Variants in PSD3 observed in about 807,000 individuals in gnomAD.
The protein encoded by PSD3 is pleckstrin and Sec7 domain containing 3.
PSD3 carries 49 observed loss-of-function variants against 105.5 expected under a neutral mutation model. The ratio of observed to expected loss-of-function variants is 0.46; its 90% CI spans 0.37 to 0.59. The LOEUF (loss-of-function observed/expected upper bound fraction) is 0.59. PSD3 is among the 20% of genes least tolerant of loss of function. PSD3 has a pLI of 0.00. For synonymous variants in PSD3, 557 were observed against 457.8 expected, an observed-to-expected ratio of 1.22 and a Z score of -2.77; for missense variants, 1,561 against 1,263.8, an observed-to-expected ratio of 1.24 and a Z score of -3.57.
chr8:18,755,188 G>A (rs11203993), intron 9 of PSD3, among the ~76,000 whole-genome samples: 2,675 of 152,138 alleles, frequency 0.018, 135 homozygotes, highest in East Asian at 0.17. Context: ...CAGTACTTTG[G>A]GAGGCCATGG....
At chr8:18,631,639 C>T (rs953541393) in intron 11 of PSD3, among the ~76,000 whole-genome samples, 3 of 151,578 alleles carry the variant, frequency 2.0e-5, no homozygotes, top group Non-Finnish European at 4.4e-5. Context: ...AGTTCTGATA[C>T]AATGTTGTGG....
At chr8:19,047,632 G>C (rs1056403981) in intron 1 of PSD3, among the ~76,000 whole-genome samples, 1 of 152,104 alleles carries the variant, frequency 6.6e-6, no homozygotes, top group Non-Finnish European at 1.5e-5. Context: ...CAGGGTCAGG[G>C]ACCAGGTTTC....
rs907879575 is a variant in PSD3 at position 18,988,161 on chromosome 8, G to A, written c.21+25402C>T. Among the ~76,000 whole-genome samples the A allele has an allele frequency of 1.2e-4, 18 of 150,364 alleles. 1 individual carries two copies. Among genetic ancestry groups the A allele is most frequent in the South Asian group, 4.3e-4 (2 of 4,686 alleles). ...TAAGTTAGGTGTATAAAGGAGACCAGAAAGCAGCCTGTCACTAGAAAAGCT... is the reference window on the plus strand; with the variant it reads ...TAAGTTAGGTGTATAAAGGAGACCAAAAAGCAGCCTGTCACTAGAAAAGCT... On this transcript the variant is annotated intron_variant, in intron 1 of 15. Transcript: ENST00000327040.
intron 2 of PSD3, among the ~76,000 whole-genome samples, chr8:18,912,931 C>T (rs1042407490): frequency 3.9e-5 from 6 of 152,020 alleles, no homozygotes; most frequent in Admixed American, 2.6e-4. Flanking sequence ...AAGTGGGCTG[C>T]TGAGTGGCAA....
At chr8:18,543,569 G>T (rs1317069485) in intron 15 of PSD3, among the ~76,000 whole-genome samples, 1 of 151,468 alleles carries the variant, frequency 6.6e-6, no homozygotes, top group Non-Finnish European at 1.5e-5. Flanking sequence ...AGTGAGCTTA[G>T]ATCACGCCAC....
intron 9 of PSD3, among the ~76,000 whole-genome samples, chr8:18,711,130 T>C (rs1802226095): frequency 6.6e-6 from 1 of 152,174 alleles, no homozygotes; most frequent in Non-Finnish European, 1.5e-5. Flanking sequence ...CAAGAACTCC[T>C]GTAAGAAGCA....
At chr8:19,079,857 A>G (rs777819200) in intron 1 of PSD3, among the ~76,000 whole-genome samples, 1 of 151,680 alleles carries the variant, frequency 6.6e-6, no homozygotes, top group Non-Finnish European at 1.5e-5. Context: ...AAAATAATGA[A>G]TCTTTAGAGA....
At chr8:18,879,730 A>G (rs1291376490) in intron 2 of PSD3, among the ~76,000 whole-genome samples, 2 of 152,166 alleles carry the variant, frequency 1.3e-5, no homozygotes, top group African/African-American at 4.8e-5. Flanking sequence ...AGCTGGAACC[A>G]CAGGCATGTG....
intron 9 of PSD3, among the ~76,000 whole-genome samples, chr8:18,746,484 G>C (rs1805034313): frequency 6.6e-6 from 1 of 152,274 alleles, no homozygotes; most frequent in South Asian, 2.1e-4. Flanking sequence ...GTAAGCTGGG[G>C]CACACCAGCG....
At chr8:18,604,336 G>C (rs1472599328) in intron 11 of PSD3, among the ~76,000 whole-genome samples, 2 of 152,150 alleles carry the variant, frequency 1.3e-5, no homozygotes, top group Non-Finnish European at 2.9e-5. Flanking sequence ...CTAGGGATCT[G>C]TGTAACTTTG....
intron 1 of PSD3, among the ~76,000 whole-genome samples, chr8:18,954,314 G>A (rs1257504663): frequency 6.6e-6 from 1 of 152,076 alleles, no homozygotes; most frequent in East Asian, 1.9e-4. Context: ...GACCTCATCA[G>A]TAATGCTTTA....
chr8:18,806,374 A>T (rs937138671), intron 4 of PSD3, among the ~76,000 whole-genome samples: 5 of 152,190 alleles, frequency 3.3e-5, no homozygotes, highest in Admixed American at 2.6e-4. Flanking sequence ...CACGTTGAGA[A>T]CTCCGCCCTA....
At position 18,871,683 on chromosome 8, in the gene PSD3, A is replaced by G; in HGVS notation, c.1181T>C (p.Leu394Pro). The G allele has an allele frequency of 6.2e-7, 1 of 1,613,814 alleles. No individual in the cohort carries two copies. The highest frequency in any genetic ancestry group is 1.1e-5 in the South Asian group (1 of 91,006). ...LDESGEDEVF[L>P]QENKQHLEKT... is the part of the protein sequence containing the mutation. ...CTCAAGATGCTGTTTGTTTTCCTGT[A>G]GGAAGACTTCATCCTCTCCACTCTC... The change falls in exon 3 of 16, where the codon CTA becomes CCA. Residue 394 changes from leucine (L) to proline (P), a missense_variant. Transcript: ENST00000327040.
At chr8:18,713,604 G>A (rs562237683) in intron 9 of PSD3, among the ~76,000 whole-genome samples, 8 of 151,902 alleles carry the variant, frequency 5.3e-5, no homozygotes, top group East Asian at 1.9e-4. Context: ...CAAGGAGAAC[G>A]ACAAACCTCT....
Position 18,733,326 on chromosome 8 carries a change from G to C in PSD3, c.2172+32123C>G, listed in dbSNP as rs993306912. ...ATGTTTCTAGCATATCTTTCTAGAA[G>C]AAAGACTAGAACAGCCACAGGTGAA... On this transcript the variant is annotated intron_variant, in intron 9 of 15. Coordinates refer to ENST00000327040, the MANE Select transcript of PSD3 (RefSeq NM_015310.4). 4 of 152,278 alleles carry C rather than the reference G, an allele frequency of 2.6e-5. No homozygotes were observed. In the East Asian group the frequency reaches 7.7e-4, roughly 29 times the overall value. The allele number at this position is 152,278 out of a possible 1,614,324, so 9.4% of individuals were successfully genotyped here. A position where few individuals can be genotyped will look rare whatever the true frequency, so the allele number is the denominator to read the frequency against.
At position 19,077,711 on chromosome 8, in the gene PSD3, C is replaced by A. The variant is rs185802242; in HGVS notation, c.324+6495G>T. On this transcript the variant is annotated intron_variant, in intron 1 of 1. Transcript: ENST00000521475. Reference sequence around the variant, plus strand: ...GATTTTTAAAAACAACATCCTTGAACTTTGTAATATATTAGGATCAAATCA... The same window carrying A: ...GATTTTTAAAAACAACATCCTTGAAATTTGTAATATATTAGGATCAAATCA... Among the ~76,000 whole-genome samples the A allele has an allele frequency of 1.3e-3, 196 of 152,226 alleles. 1 individual carries two copies. Among genetic ancestry groups the A allele is most frequent in the African/African-American group, 4.6e-3 (191 of 41,520 alleles).
Position 18,759,425 on chromosome 8 carries a change from A to C in PSD3, c.2172+6024T>G, listed in dbSNP as rs62495859. Among the ~76,000 whole-genome samples the C allele has an allele frequency of 6.5e-3, 995 of 152,244 alleles. 9 individuals carry two copies. The highest frequency in any genetic ancestry group is 0.011 in the Non-Finnish European group (759 of 67,970). Reference sequence around the variant, plus strand: ...TTTAAACATTCTGCAAATTGTGTTCAGTTTTATCACAAATATTTGGAACAT... The same window carrying C: ...TTTAAACATTCTGCAAATTGTGTTCCGTTTTATCACAAATATTTGGAACAT... On this transcript the variant is annotated intron_variant, in intron 9 of 15. Coordinates refer to ENST00000327040, the MANE Select transcript of PSD3 (RefSeq NM_015310.4).
intron 8 of PSD3, among the ~76,000 whole-genome samples, chr8:18,776,339 A>G (rs1324427857): frequency 6.8e-6 from 1 of 147,250 alleles, no homozygotes; most frequent in East Asian, 1.9e-4. Flanking sequence ...ATATAAATAT[A>G]TATAGTATAA....
At chr8:19,013,449 C>A in intron 1 of PSD3, 114 bp downstream of exon 1, 1 of 1,450,810 alleles carries the variant, frequency 6.9e-7, no homozygotes, top group East Asian at 2.5e-5. Flanking sequence ...CAGCACAAAC[C>A]CAGGTGGCCC....
Sources: allele counts gnomAD v4.1 joint callset (sites outside exome capture counted in the v4.1 genomes callset), GRCh38; gene constraint gnomAD v4.1.1; transcripts MANE v1.5; gene names NCBI Gene and HGNC (gene_info 2026-07-23, HGNC 2026-07-21).